Variants in SDK1 observed in about 807,000 individuals in gnomAD.
SDK1 encodes sidekick cell adhesion molecule 1, also known as protein sidekick-1.
In SDK1, 157 loss-of-function variants were observed where a neutral mutation model predicts 245.5. The ratio of observed to expected loss-of-function variants is 0.64; its 90% CI spans 0.56 to 0.73. The LOEUF is 0.73. Among genes scored for constraint, SDK1 ranks in the 30% least tolerant of loss-of-function variants. The probability of loss-of-function intolerance (pLI) is 0.00; values close to 1 mark genes in which losing one functional copy is unlikely to be tolerated. For missense variants in SDK1, 3,583 were observed against 3,002.3 expected (o/e 1.19, Z -4.52); for synonymous variants, 1,647 against 1,278.5 (o/e 1.29, Z -6.15).
intron 5 of SDK1, among the ~76,000 whole-genome samples, chr7:3,861,056 C>G (rs553053303): frequency 6.6e-6 from 1 of 152,226 alleles, no homozygotes; most frequent in Admixed American, 6.5e-5. Context: ...TAGGCCGACA[C>G]GATTATAATG....
intron 13 of SDK1, among the ~76,000 whole-genome samples, chr7:3,983,321 T>C (rs7778932): frequency 0.67 from 101,150 of 151,994 alleles, 35,899 homozygotes; most frequent in African/African-American, 0.9. Context: ...AGTCCGTTGA[T>C]GCGCCAGGCT....
intron 43 of SDK1, among the ~76,000 whole-genome samples, chr7:4,244,782 C>T (rs1265590300): frequency 3.9e-5 from 6 of 151,910 alleles, no homozygotes; most frequent in Non-Finnish European, 8.8e-5. Flanking sequence ...ATTCAGCCTG[C>T]TGGCAGCATG....
intron 1 of SDK1, among the ~76,000 whole-genome samples, chr7:3,568,364 T>C (rs1404819625): frequency 6.6e-6 from 1 of 152,202 alleles, no homozygotes; most frequent in East Asian, 1.9e-4. Context: ...CCCACTGCTC[T>C]TTTTCCCTCT....
intron 4 of SDK1, chr7:3,643,283 C>T (rs1322233471): frequency 6.7e-6 from 1 of 149,654 alleles, no homozygotes; most frequent in African/African-American, 2.5e-5. Context: ...CTGTGGAATC[C>T]TTTCCCTAAA....
At chr7:4,218,642 C>A (rs1311092016) in intron 38 of SDK1, among the ~76,000 whole-genome samples, 1 of 152,104 alleles carries the variant, frequency 6.6e-6, no homozygotes, top group Non-Finnish European at 1.5e-5. Flanking sequence ...CAGCGCACGA[C>A]CCTCCCGCAC....
intron 5 of SDK1, among the ~76,000 whole-genome samples, chr7:3,879,724 A>G (rs922854229): frequency 1.3e-5 from 2 of 152,108 alleles, no homozygotes; most frequent in African/African-American, 4.8e-5. Context: ...TTCTTCCCCT[A>G]CACAAACACT....
intron 1 of SDK1, among the ~76,000 whole-genome samples, chr7:3,314,520 GAGTT>G (rs1779618491): frequency 6.6e-6 from 1 of 152,330 alleles, no homozygotes; most frequent in Non-Finnish European, 1.5e-5. Flanking sequence ...CAGTGGATGA[GAGTT>G]AGTTACAGAT....
chr7:4,081,171 G>A (rs1011918298), intron 22 of SDK1, among the ~76,000 whole-genome samples: 18 of 152,166 alleles, frequency 1.2e-4, no homozygotes, highest in African/African-American at 4.1e-4. Flanking sequence ...CGACAGAAAC[G>A]CCAGCGTCTT....
At position 3,790,385 on chromosome 7, in the gene SDK1, C is replaced by T. The variant is rs116217120; in HGVS notation, c.714-31065C>T. On this transcript the variant is annotated intron_variant, in intron 4 of 44. Coordinates refer to ENST00000404826, the MANE Select transcript of SDK1 (RefSeq NM_152744.4). ...GTGGCTGCTCAATGGCAGGTTCTAA[C>T]GAGGAGCCAGCTGGCAAAGGGGCCT... 5.6e-3 allele frequency among the ~76,000 whole-genome samples: 855 copies of T among 152,222 alleles called. 8 individuals are homozygous for T. The highest frequency in any genetic ancestry group is 0.02 in the African/African-American group (816 of 41,516).
intron 41 of SDK1, among the ~76,000 whole-genome samples, chr7:4,236,477 A>AAAAT (rs1786176383): frequency 6.6e-6 from 1 of 152,160 alleles, no homozygotes; most frequent in Admixed American, 6.6e-5. Flanking sequence ...CTAGAGGCAG[A>AAAAT]AAATAAATAA....
intron 17 of SDK1, among the ~76,000 whole-genome samples, chr7:4,046,272 A>T (rs1789011774): frequency 6.6e-6 from 1 of 152,100 alleles, no homozygotes; most frequent in Non-Finnish European, 1.5e-5. Context: ...TTTATTGGGT[A>T]TCTGTCTTGC....
rs867931082 is a variant in SDK1 at position 4,265,292 on chromosome 7, C to T, written c.6550C>T (p.Pro2184Ser). 1.1e-5 allele frequency: 18 copies of T among 1,581,898 alleles called. 2 individuals carry two copies. In the Middle Eastern group the frequency reaches 2.4e-3, roughly 213 times the overall value. Residue 2184 changes from proline to serine, a missense_variant, in exon 45 of 45, where the codon CCG (proline) becomes TCG (serine). Transcript: ENST00000404826. ...AGSEAGAQLH[P>S]VITTQSAGGV... Reference sequence around the variant, plus strand: ...CTCCGAGGCGGGCGCGCAGCTGCACCCGGTCATCACCACGCAGAGCGCGGG... The same window carrying T: ...CTCCGAGGCGGGCGCGCAGCTGCACTCGGTCATCACCACGCAGAGCGCGGG...
chr7:3,337,995 T>C (rs1442083193), intron 1 of SDK1: 2 of 155,124 alleles, frequency 1.3e-5, no homozygotes, highest in African/African-American at 2.4e-5. Flanking sequence ...TTATGAGTTA[T>C]ATTTGGTTGA....
chr7:4,154,040 G>A (rs1267105764), intron 30 of SDK1, among the ~76,000 whole-genome samples: 6 of 152,144 alleles, frequency 3.9e-5, no homozygotes, highest in African/African-American at 1.4e-4. Context: ...AAAGACAGCA[G>A]TGAATCGCTT....
intron 1 of SDK1, among the ~76,000 whole-genome samples, chr7:3,378,528 C>T (rs1217771411): frequency 6.6e-6 from 1 of 152,096 alleles, no homozygotes; most frequent in African/African-American, 2.4e-5. Flanking sequence ...ATGAGGAAAC[C>T]TTGAGGTCGG....
At position 3,967,415 on chromosome 7, in the gene SDK1, C is replaced by T. The variant is rs372728272; in HGVS notation, c.1527C>T (p.Pro509=). The change falls in exon 10 of 45, where the codon CCC becomes CCT. Residue 509 remains proline (P), a synonymous_variant. Coordinates refer to ENST00000404826, the MANE Select transcript of SDK1 (RefSeq NM_152744.4). ...LRCEVSGAPK[P]AITWKRENHI... ...GTGAGGTGTCCGGGGCTCCCAAACC[C>T]GCCATCACCTGGAAAAGAGGTGGGT... 4.6e-5 allele frequency: 75 copies of T among 1,613,168 alleles called. No individual in the cohort carries two copies. The highest frequency in any genetic ancestry group is 6.7e-5 in the African/African-American group (5 of 75,024).
At chr7:3,938,453 G>A (rs530780583) in intron 5 of SDK1, among the ~76,000 whole-genome samples, 11 of 152,026 alleles carry the variant, frequency 7.2e-5, no homozygotes, top group Admixed American at 1.3e-4. Context: ...CTAACCTGGC[G>A]AACACGGTGA....
intron 25 of SDK1, among the ~76,000 whole-genome samples, chr7:4,114,993 T>G (rs971980725): frequency 6.6e-6 from 1 of 152,232 alleles, no homozygotes; most frequent in Non-Finnish European, 1.5e-5. Flanking sequence ...AGACCTCTGC[T>G]GCCCTGTGCT....
intron 38 of SDK1, 40 bp from the exon 39 acceptor site, chr7:4,220,069 G>T: frequency 6.2e-7 from 1 of 1,600,194 alleles, no homozygotes; most frequent in South Asian, 1.1e-5. Context: ...TGCTTCTCCA[G>T]GCTGAACCCC....
Sources: allele counts gnomAD v4.1 joint callset (sites outside exome capture counted in the v4.1 genomes callset), GRCh38; gene constraint gnomAD v4.1.1; transcripts MANE v1.5; gene names NCBI Gene and HGNC (gene_info 2026-07-23, HGNC 2026-07-21).